TOP2B: variants seen among roughly 807,000 people sequenced by gnomAD.
TOP2B encodes DNA topoisomerase 2-beta.
Under a neutral mutation model 193.5 loss-of-function variants are expected in TOP2B, and 51 were observed. The ratio of observed to expected loss-of-function variants is 0.26; its 90% CI spans 0.21 to 0.33. The LOEUF (loss-of-function observed/expected upper bound fraction) is 0.33, where lower values mean the gene tolerates loss of function less well. Among genes scored for constraint, TOP2B ranks in the 10% least tolerant of loss-of-function variants. TOP2B has a pLI of 1.00. For missense variants in TOP2B, 1,378 were observed against 1,909.3 expected, an observed-to-expected ratio of 0.72 and a Z score of 5.19; for synonymous variants, 634 against 635.7, an observed-to-expected ratio of 1.00 and a Z score of 0.04.
intron 15 of TOP2B, among the ~76,000 whole-genome samples, chr3:25,628,196 C>A (rs953561516): frequency 4.9e-5 from 7 of 144,016 alleles, no homozygotes; most frequent in Admixed American, 4.2e-4. Context: ...AAAAAGGGAG[C>A]CAGGCATGGT....
intron 1 of TOP2B, 63 bp downstream of exon 1, chr3:25,664,166 A>T: frequency 6.6e-7 from 1 of 1,510,040 alleles, no homozygotes; most frequent in Non-Finnish European, 8.9e-7. Context: ...GCCCGTTCGG[A>T]ATTCCGCCCC....
chr3:25,599,096 C>T (rs987128250), intron 35 of TOP2B, among the ~76,000 whole-genome samples: 1 of 151,946 alleles, frequency 6.6e-6, no homozygotes, highest in Non-Finnish European at 1.5e-5. Flanking sequence ...CAAATTAGCC[C>T]TGGTCAAATA....
intron 28 of TOP2B, among the ~76,000 whole-genome samples, chr3:25,610,560 G>T (rs1702344471): frequency 6.6e-6 from 1 of 152,190 alleles, no homozygotes; most frequent in Non-Finnish European, 1.5e-5. Context: ...AAAGAATTAG[G>T]TTTTTAAATG....
At chr3:25,625,822 CTTCT>C (rs1373746184) in intron 18 of TOP2B, among the ~76,000 whole-genome samples, 2 of 152,172 alleles carry the variant, frequency 1.3e-5, no homozygotes, top group Non-Finnish European at 2.9e-5. Context: ...AATATGGCAA[CTTCT>C]TTAAGAATTT....
intron 13 of TOP2B, 93 bp downstream of exon 13, chr3:25,629,936 A>G: frequency 7.6e-7 from 1 of 1,316,704 alleles, no homozygotes; most frequent in Non-Finnish European, 1.0e-6. Flanking sequence ...ACTTTCAGTT[A>G]TACCATCTTC....
chr3:25,621,205 C>A (rs2125365903), intron 21 of TOP2B, among the ~76,000 whole-genome samples: 1 of 152,286 alleles, frequency 6.6e-6, no homozygotes, highest in South Asian at 2.1e-4. Context: ...CACTACTCTT[C>A]TCCCATATTT....
chr3:25,626,174 AGC>A (rs1410334100), intron 18 of TOP2B, among the ~76,000 whole-genome samples: 1 of 152,220 alleles, frequency 6.6e-6, no homozygotes, highest in African/African-American at 2.4e-5. Context: ...GTTAAGTTAA[AGC>A]ATTAGGCTTT....
In TOP2B at chr3:25,601,172, T is replaced by G. The variant is rs754408618; in HGVS notation, c.4543A>C (p.Lys1515Gln). 7.4e-6 allele frequency: 12 copies of G among 1,613,836 alleles called. No homozygotes were observed. The highest frequency in any genetic ancestry group is 8.5e-6 in the Non-Finnish European group (10 of 1,179,772). ...PKPKRAPKQK[K>Q]VVEAVNSDSD... ...TCAGAGTTTACAGCCTCTACTACTT[T>G]CTTCTGTTTTGGGGCTCTCTTGGGC... The change falls in exon 34 of 36, where the codon AAA becomes CAA. Residue 1515 changes from lysine (K) to glutamine (Q), a missense_variant. Physicochemically the swap from Lys to Gln is moderately conservative, Grantham distance 53. Transcript: ENST00000264331.
At chr3:25,660,222 CT>C (rs1227294845) in intron 1 of TOP2B, among the ~76,000 whole-genome samples, 1 of 152,124 alleles carries the variant, frequency 6.6e-6, no homozygotes, top group Non-Finnish European at 1.5e-5. Flanking sequence ...TGACAGAAGA[CT>C]TTTTAGGAAG....
intron 1 of TOP2B, among the ~76,000 whole-genome samples, chr3:25,662,300 C>T (rs1267463331): frequency 6.6e-6 from 1 of 152,190 alleles, no homozygotes; most frequent in Non-Finnish European, 1.5e-5. Context: ...CCCATAACTA[C>T]CTCACTATAT....
intron 20 of TOP2B, 139 bp downstream of exon 20, chr3:25,624,158 C>A: frequency 9.6e-7 from 1 of 1,044,438 alleles, no homozygotes; most frequent in Non-Finnish European, 1.4e-6. Flanking sequence ...TATTTGTGGT[C>A]AAATAATTTG....
At chr3:25,606,185 A>G (rs1481581053) in intron 31 of TOP2B, 63 bp from the exon 32 acceptor site, 1 of 759,182 alleles carries the variant, frequency 1.3e-6, no homozygotes, top group East Asian at 2.9e-5. Context: ...CAATCCTGAT[A>G]AATTATATAT....
chr3:25,613,227 G>T (rs1702421674), intron 27 of TOP2B, among the ~76,000 whole-genome samples: 1 of 151,998 alleles, frequency 6.6e-6, no homozygotes, highest in East Asian at 1.9e-4. Flanking sequence ...GATAAATTAG[G>T]ATATAATCAT....
chr3:25,609,387 A>G (rs139355296), intron 29 of TOP2B, 43 bp from the exon 30 acceptor site: 38 of 1,507,202 alleles, frequency 2.5e-5, no homozygotes, highest in Non-Finnish European at 2.9e-5. Context: ...CCATATTTAT[A>G]GAAATGTCAT....
At position 25,630,320 on chromosome 3, in the gene TOP2B, G is replaced by A. The variant is rs1259176041; in HGVS notation, c.1555C>T (p.His519Tyr). The change falls in exon 12 of 36, where the codon CAT becomes TAT. Residue 519 changes from histidine to tyrosine, a missense_variant. This residue lies in a region of TOP2B where 66 missense variants were observed against 153.3 expected (regional missense o/e 0.43). Coordinates refer to ENST00000264331, the MANE Select transcript of TOP2B (RefSeq NM_001330700.2). ...GKILNVREAS[H>Y]KQIMENAEIN... ...TACACACACATACATACCTGTTTAT[G>A]AGAAGCTTCCCGTACATTAAGAATT... 1.9e-6 allele frequency: 3 copies of A among 1,551,262 alleles called. No homozygotes were observed.
At chr3:25,657,454 G>C (rs965991072) in intron 1 of TOP2B, among the ~76,000 whole-genome samples, 3 of 152,064 alleles carry the variant, frequency 2.0e-5, no homozygotes, top group African/African-American at 7.2e-5. Context: ...GTCACCCTGG[G>C]TAGCTCTTCA....
chr3:25,623,430 T>G (rs1575571457), intron 21 of TOP2B, 85 bp downstream of exon 21: 1 of 1,225,240 alleles, frequency 8.2e-7, no homozygotes, highest in African/African-American at 1.5e-5. Context: ...AAAATAAAAA[T>G]GTTCCATTAC....
chr3:25,654,662 A>G (rs79211421), intron 1 of TOP2B, among the ~76,000 whole-genome samples: 8,358 of 152,256 alleles, frequency 0.055, 750 homozygotes, highest in African/African-American at 0.19. Context: ...TAAAGGCCTC[A>G]CACCTCCTGA....
At chr3:25,627,332 A>G in intron 15 of TOP2B, 36 bp from the exon 16 acceptor site, 1 of 1,367,308 alleles carries the variant, frequency 7.3e-7, no homozygotes, top group South Asian at 1.3e-5. Flanking sequence ...AGTCATGAAT[A>G]TCAATGTCTG....
Sources: allele counts gnomAD v4.1 joint callset (sites outside exome capture counted in the v4.1 genomes callset), GRCh38; gene constraint gnomAD v4.1.1; regional missense constraint gnomAD v4.1.1; transcripts MANE v1.5; gene names NCBI Gene and HGNC (gene_info 2026-07-23, HGNC 2026-07-21).